GRID1: variants seen among roughly 807,000 people sequenced by gnomAD.
The protein encoded by GRID1 is glutamate receptor ionotropic, delta-1.
A neutral mutation model predicts 98.0 loss-of-function variants in GRID1; 28 were observed. The observed-to-expected ratio is 0.29, with a 90% CI of 0.21 to 0.39. The LOEUF (loss-of-function observed/expected upper bound fraction) is 0.39. GRID1 is among the 10% of genes least tolerant of loss of function. The pLI is 1.00. For missense variants in GRID1, 1,111 were observed against 1,340.5 expected, an observed-to-expected ratio of 0.83 and a Z score of 2.67; for synonymous variants, 553 against 538.5, an observed-to-expected ratio of 1.03 and a Z score of -0.37.
chr10:86,311,930 T>C (rs1847837403), intron 2 of GRID1, among the ~76,000 whole-genome samples: 1 of 152,234 alleles, frequency 6.6e-6, no homozygotes, highest in Non-Finnish European at 1.5e-5. Flanking sequence ...CCTTGATCTA[T>C]AGGTCTGAGA....
chr10:85,813,888 G>A (rs1462261064), intron 8 of GRID1, among the ~76,000 whole-genome samples: 1 of 151,664 alleles, frequency 6.6e-6, no homozygotes, highest in African/African-American at 2.4e-5. Context: ...CTCCATGCTA[G>A]AAATTTTCTA....
rs1252301015 is a variant in GRID1 at position 85,602,223 on chromosome 10, C to T, written c.*50G>A. On this transcript the variant is annotated 3_prime_UTR_variant, in exon 16 of 16. Coordinates refer to ENST00000327946, the MANE Select transcript of GRID1 (RefSeq NM_017551.3). ...GTTGTTGTTTTCTTGTATTAAAAAG[C>T]TCTGCTGGTCGGGTGGGTGGGAGGG... 2 of 1,093,304 alleles carry T rather than the reference C, an allele frequency of 1.8e-6. No individual in the cohort carries two copies. The highest frequency in any genetic ancestry group is 4.0e-5 in the African/African-American group (2 of 50,352). The allele number at this position is 1,093,304 out of a possible 1,614,324, so 67.7% of individuals were successfully genotyped here.
chr10:85,875,111 C>A (rs567560771), intron 5 of GRID1, among the ~76,000 whole-genome samples: 6 of 152,296 alleles, frequency 3.9e-5, no homozygotes, highest in Admixed American at 3.9e-4. Flanking sequence ...AACTCGACCT[C>A]AGGTGATCCA....
intron 14 of GRID1, among the ~76,000 whole-genome samples, chr10:85,614,674 T>C (rs1010543899): frequency 9.2e-5 from 14 of 152,054 alleles, no homozygotes; most frequent in Admixed American, 8.5e-4. Context: ...AGTGAGACTA[T>C]TGGGTGATAT....
intron 2 of GRID1, among the ~76,000 whole-genome samples, chr10:86,248,848 C>T (rs1846775835): frequency 6.6e-6 from 1 of 152,216 alleles, no homozygotes; most frequent in South Asian, 2.1e-4. Context: ...GTTAGGAATA[C>T]AGTGCCCAGC....
intron 4 of GRID1, among the ~76,000 whole-genome samples, chr10:86,065,905 CTG>C (rs1325035447): frequency 9.9e-5 from 15 of 152,224 alleles, no homozygotes; most frequent in Non-Finnish European, 2.1e-4. Context: ...ATTAATGAAA[CTG>C]TACAGACTGG....
At chr10:86,189,377 T>C (rs1368822547) in intron 3 of GRID1, among the ~76,000 whole-genome samples, 2 of 152,036 alleles carry the variant, frequency 1.3e-5, no homozygotes, top group Admixed American at 6.5e-5. Flanking sequence ...GTGTCTTCTA[T>C]GCTGTGGTCT....
chr10:85,632,108 G>C (rs1842982561), intron 13 of GRID1, among the ~76,000 whole-genome samples: 1 of 152,114 alleles, frequency 6.6e-6, no homozygotes, highest in African/African-American at 2.4e-5. Flanking sequence ...TAAAGTGATT[G>C]AATAAAAGAT....
At chr10:85,648,576 A>G (rs1435000141) in intron 12 of GRID1, among the ~76,000 whole-genome samples, 1 of 152,008 alleles carries the variant, frequency 6.6e-6, no homozygotes, top group African/African-American at 2.4e-5. Flanking sequence ...ACAACCCTCC[A>G]TCTTCCGGTC....
At chr10:86,030,978 A>G (rs887273308) in intron 4 of GRID1, among the ~76,000 whole-genome samples, 1 of 152,146 alleles carries the variant, frequency 6.6e-6, no homozygotes, top group Non-Finnish European at 1.5e-5. Context: ...TGCACTATGT[A>G]AACATCATAC....
intron 3 of GRID1, among the ~76,000 whole-genome samples, chr10:86,165,136 T>C (rs1458059158): frequency 1.3e-5 from 2 of 152,002 alleles, no homozygotes; most frequent in Non-Finnish European, 2.9e-5. Context: ...ACCCCAGCTA[T>C]GACCAATAGA....
intron 8 of GRID1, among the ~76,000 whole-genome samples, chr10:85,802,592 A>C (rs1436528102): frequency 6.6e-6 from 1 of 152,064 alleles, no homozygotes; most frequent in Non-Finnish European, 1.5e-5. Context: ...ATAGATTCAG[A>C]TCTTATCTTT....
Position 85,724,508 on chromosome 10 carries a change from A to C in GRID1, c.1702T>G (p.Cys568Gly), listed in dbSNP as rs750868744. ...ACCACAGGGATGGCTGCTGCAATGC[A>C]GGCCCACACAGCGAAATCAAATGGA... is the stretch of plus-strand genomic sequence containing the variant. ...FAPFDFAVWA[C>G]IAAAIPVVGV... Residue 568 changes from cysteine to glycine, a missense_variant, in exon 11 of 16, where the codon TGC becomes GGC. Cys to Gly is a radical substitution (Grantham distance 159, BLOSUM62 -3). Transcript: ENST00000327946. 6.2e-7 allele frequency: 1 copy of C among 1,614,144 alleles called. No homozygotes were observed. The highest frequency in any genetic ancestry group is 8.5e-7 in the Non-Finnish European group (1 of 1,180,014).
At chr10:86,204,168 C>CATAG (rs1421040521) in intron 3 of GRID1, among the ~76,000 whole-genome samples, 1 of 152,190 alleles carries the variant, frequency 6.6e-6, no homozygotes, top group East Asian at 1.9e-4. Flanking sequence ...TACACCCCTT[C>CATAG]CCTGCTACCT....
At chr10:85,863,905 A>T (rs890487170) in intron 6 of GRID1, among the ~76,000 whole-genome samples, 2 of 152,186 alleles carry the variant, frequency 1.3e-5, no homozygotes, top group East Asian at 3.8e-4. Context: ...GGTAAAAATC[A>T]TTCTTGGAGG....
chr10:85,612,689 G>A (rs996598786), intron 15 of GRID1, among the ~76,000 whole-genome samples: 41 of 151,514 alleles, frequency 2.7e-4, no homozygotes, highest in East Asian at 7.8e-4. Context: ...CCACCCTTCC[G>A]TAGGGCAAAG....
Position 85,602,345 on chromosome 10 carries a change from G to A in GRID1, c.2958C>T (p.Pro986=). ...CTCCAGGCACGGGCTGGAAGGACATGGGGATGGGGGTCTTCACCGGGCTCT... is the reference window on the plus strand; with the variant it reads ...CTCCAGGCACGGGCTGGAAGGACATAGGGATGGGGGTCTTCACCGGGCTCT... ...FRQSPVKTPI[P]MSFQPVPGGV... is the part of the protein sequence containing the mutation. The change falls in exon 16 of 16, where the codon CCC becomes CCT. Residue 986 remains proline, a synonymous_variant. Transcript: ENST00000327946. 3 of 1,584,904 alleles carry A rather than the reference G, an allele frequency of 1.9e-6. No homozygotes were observed. Among genetic ancestry groups the A allele is most frequent in the Non-Finnish European group, 2.6e-6 (3 of 1,163,234 alleles).
chr10:86,229,469 A>G (rs1846413693), intron 2 of GRID1, among the ~76,000 whole-genome samples: 2 of 152,200 alleles, frequency 1.3e-5, no homozygotes, highest in South Asian at 4.1e-4. Context: ...GGCTAATAAT[A>G]GCCCCGCCTC....
chr10:85,608,829 C>A (rs537047069), intron 15 of GRID1, among the ~76,000 whole-genome samples: 1 of 152,204 alleles, frequency 6.6e-6, no homozygotes. Flanking sequence ...TGTTCCATGG[C>A]TTCTCACTGG....
Sources: gnomAD v4.1 joint callset for allele counts (sites outside exome capture counted in the v4.1 genomes callset) on GRCh38, gnomAD v4.1.1 for gene constraint, MANE v1.5 for transcripts, NCBI Gene and HGNC (gene_info 2026-07-23, HGNC 2026-07-21) for gene names.